Variants in WASF1 observed in about 807,000 individuals in gnomAD.
WASF1 encodes the protein WASP family member 1.
A neutral mutation model predicts 50.5 loss-of-function variants in WASF1; 7 were observed. The observed-to-expected ratio is 0.14, with a 90% confidence interval of 0.08 to 0.26. WASF1 has a LOEUF of 0.26. Among genes scored for constraint, WASF1 ranks in the 10% least tolerant of loss-of-function variants. The pLI, the probability that WASF1 is intolerant of heterozygous loss-of-function variation, is 1.00. For synonymous variants in WASF1, 205 were observed against 244.0 expected (o/e 0.84, Z 1.49); for missense variants, 470 against 694.7 (o/e 0.68, Z 3.64).
At chr6:110,131,859 T>C (rs1169552157) in intron 3 of WASF1, among the ~76,000 whole-genome samples, 1 of 152,166 alleles carries the variant, frequency 6.6e-6, no homozygotes, top group Non-Finnish European at 1.5e-5. Flanking sequence ...TCTCCAAAAA[T>C]ATTGTTTATT....
intron 3 of WASF1, among the ~76,000 whole-genome samples, chr6:110,137,523 GGCAGCTGTAACTTAT>G: frequency 6.6e-6 from 1 of 152,310 alleles, no homozygotes; most frequent in Middle Eastern, 3.4e-3. Context: ...TCACGTGACA[GGCAGCTGTAACTTAT>G]GCAGCTGTAA....
chr6:110,141,452 C>G (rs1004618019), intron 3 of WASF1, among the ~76,000 whole-genome samples: 5 of 152,176 alleles, frequency 3.3e-5, no homozygotes, highest in Admixed American at 3.3e-4. Flanking sequence ...TGAAGACTAA[C>G]TGAATCCCCC....
chr6:110,124,243 T>TCC (rs1562170331), intron 4 of WASF1, among the ~76,000 whole-genome samples: 2 of 33,052 alleles, frequency 6.1e-5, no homozygotes, highest in East Asian at 1.1e-3. Flanking sequence ...CTCCTCTCTC[T>TCC]CTCTCTCTCT....
chr6:110,105,974 T>C (rs1773306018), intron 7 of WASF1, among the ~76,000 whole-genome samples: 1 of 152,254 alleles, frequency 6.6e-6, no homozygotes, highest in Non-Finnish European at 1.5e-5. Flanking sequence ...ACTAAGGTTA[T>C]GTTATCTGGG....
intron 2 of WASF1, among the ~76,000 whole-genome samples, chr6:110,170,981 T>C (rs1189384707): frequency 5.3e-5 from 8 of 152,182 alleles, no homozygotes; most frequent in African/African-American, 1.9e-4. Flanking sequence ...CATGAACTCA[T>C]GATCACAGCT....
intron 3 of WASF1, among the ~76,000 whole-genome samples, chr6:110,131,926 A>G (rs1218731992): frequency 6.6e-6 from 1 of 152,178 alleles, no homozygotes; most frequent in Non-Finnish European, 1.5e-5. Flanking sequence ...AGTCACACAT[A>G]ACACATACAC....
intron 3 of WASF1, among the ~76,000 whole-genome samples, chr6:110,142,952 T>TAAAAAAAAAAAAAAAAAAAAAAAAAA (rs5879060): frequency 2.2e-4 from 26 of 119,128 alleles, no homozygotes; most frequent in East Asian, 7.7e-4. Flanking sequence ...CCCAATGATG[T>TAAAAAAAAAAAAAAAAAAAAAAAAAA]AAAAAAAAAA....
At chr6:110,160,996 G>T (rs898298438) in intron 2 of WASF1, among the ~76,000 whole-genome samples, 1 of 151,196 alleles carries the variant, frequency 6.6e-6, no homozygotes, top group African/African-American at 2.4e-5. Flanking sequence ...CCAGAAGTCT[G>T]AAACATTTTT....
intron 4 of WASF1, among the ~76,000 whole-genome samples, chr6:110,116,459 G>A (rs1013217041): frequency 2.6e-5 from 4 of 152,164 alleles, no homozygotes; most frequent in Non-Finnish European, 5.9e-5. Flanking sequence ...ATCAACCTGT[G>A]ACGCTGCAGC....
At chr6:110,142,416 C>G (rs1375522141) in intron 3 of WASF1, among the ~76,000 whole-genome samples, 1 of 152,032 alleles carries the variant, frequency 6.6e-6, no homozygotes, top group East Asian at 1.9e-4. Flanking sequence ...GTTTCAACAC[C>G]AGATCCATTT....
intron 4 of WASF1, 132 bp from the exon 5 acceptor site, chr6:110,113,592 T>C: frequency 1.2e-6 from 1 of 805,902 alleles, no homozygotes; most frequent in Non-Finnish European, 1.8e-6. Context: ...TAATGAACAA[T>C]GTAATATTAC....
At chr6:110,135,720 TC>T (rs1278387013) in intron 3 of WASF1, among the ~76,000 whole-genome samples, 7 of 128,438 alleles carry the variant, frequency 5.5e-5, no homozygotes, top group African/African-American at 1.8e-4. Context: ...AGGAAGATTA[TC>T]TTTTTTTTTT....
chr6:110,169,583 T>C (rs576288106), intron 2 of WASF1, among the ~76,000 whole-genome samples: 5 of 152,282 alleles, frequency 3.3e-5, no homozygotes, highest in African/African-American at 1.2e-4. Context: ...TGCACATGAC[T>C]TGAACTCTGA....
intron 4 of WASF1, among the ~76,000 whole-genome samples, chr6:110,114,526 G>T (rs981671066): frequency 1.3e-5 from 2 of 152,144 alleles, no homozygotes; most frequent in East Asian, 1.9e-4. Context: ...TGCAATTTTT[G>T]TGGGTGCATG....
intron 3 of WASF1, among the ~76,000 whole-genome samples, chr6:110,154,824 C>G (rs1373349136): frequency 6.6e-6 from 1 of 151,890 alleles, no homozygotes; most frequent in Admixed American, 6.6e-5. Context: ...TAAAAAAAAT[C>G]AGGGAATTTG....
At chr6:110,178,251 A>G (rs1190858589) in intron 2 of WASF1, among the ~76,000 whole-genome samples, 1 of 152,216 alleles carries the variant, frequency 6.6e-6, no homozygotes, top group Non-Finnish European at 1.5e-5. Context: ...CCGAAATTTT[A>G]TATCAAATAC....
intron 3 of WASF1, among the ~76,000 whole-genome samples, chr6:110,128,998 C>A (rs1583964525): frequency 6.6e-6 from 1 of 152,214 alleles, no homozygotes; most frequent in African/African-American, 2.4e-5. Context: ...ACACCCCCAC[C>A]CCCTGCCCGT....
At chr6:110,145,096 G>C (rs1314530871) in intron 3 of WASF1, among the ~76,000 whole-genome samples, 1 of 152,158 alleles carries the variant, frequency 6.6e-6, no homozygotes. Flanking sequence ...CATGAGCATG[G>C]AATGTTCTTC....
At chr6:110,174,894 A>G (rs1162754577) in intron 2 of WASF1, among the ~76,000 whole-genome samples, 1 of 152,162 alleles carries the variant, frequency 6.6e-6, no homozygotes, top group African/African-American at 2.4e-5. Context: ...TTTATTCTGT[A>G]GTAATTGCAT....
Sources: gnomAD v4.1 joint callset for allele counts (sites outside exome capture counted in the v4.1 genomes callset) on GRCh38, gnomAD v4.1.1 for gene constraint, MANE v1.5 for transcripts, NCBI Gene and HGNC (gene_info 2026-07-23, HGNC 2026-07-21) for gene names.